RGS7BP: variants seen among roughly 807,000 people sequenced by gnomAD.
The protein encoded by RGS7BP is regulator of G protein signaling 7-binding protein.
A neutral mutation model predicts 31.3 loss-of-function variants in RGS7BP; 9 were observed. The ratio of observed to expected loss-of-function variants is 0.29; its 90% CI spans 0.17 to 0.50. The LOEUF (loss-of-function observed/expected upper bound fraction) is 0.50, where lower values mean the gene tolerates loss of function less well. RGS7BP is among the 20% of genes least tolerant of loss of function. The pLI, the probability that RGS7BP is intolerant of heterozygous loss-of-function variation, is 0.98. For synonymous variants in RGS7BP, 115 were observed against 120.1 expected (o/e 0.96, Z 0.28); for missense variants, 274 against 322.0 (o/e 0.85, Z 1.14).
chr5:64,533,146 G>A (rs975027070), intron 2 of RGS7BP, among the ~76,000 whole-genome samples: 1 of 152,158 alleles, frequency 6.6e-6, no homozygotes, highest in Non-Finnish European at 1.5e-5. Flanking sequence ...GGACCACCTA[G>A]GTAGTCCCTT....
At chr5:64,602,388 C>A (rs911981415) in intron 5 of RGS7BP, among the ~76,000 whole-genome samples, 13 of 152,224 alleles carry the variant, frequency 8.5e-5, no homozygotes, top group South Asian at 6.2e-4. Flanking sequence ...GTAAACCAAT[C>A]TAATTTCTTA....
At position 64,542,967 on chromosome 5, in the gene RGS7BP, A is replaced by C. The variant is rs1050694533; in HGVS notation, c.333-32807A>C. Reference sequence around the variant, plus strand: ...GATATTTTCTTTCTTGTGGAAGTAGACTCATTAATGTCATATTTATGATCT... The same window carrying C: ...GATATTTTCTTTCTTGTGGAAGTAGCCTCATTAATGTCATATTTATGATCT... On this transcript the variant is annotated intron_variant, in intron 2 of 5. Coordinates refer to ENST00000334025, the MANE Select transcript of RGS7BP (RefSeq NM_001029875.3). Among the ~76,000 whole-genome samples, 4 of 152,286 alleles carry C rather than the reference A, an allele frequency of 2.6e-5. 1 individual carries two copies. The South Asian group carries it at 8.3e-4, about 32-fold the overall frequency.
intron 3 of RGS7BP, among the ~76,000 whole-genome samples, chr5:64,584,569 G>A (rs1320103881): frequency 6.6e-6 from 1 of 152,168 alleles, no homozygotes; most frequent in African/African-American, 2.4e-5. Context: ...TCCTTTGAAC[G>A]TATCTTCTAT....
chr5:64,540,332 T>C (rs1453915038), intron 2 of RGS7BP, among the ~76,000 whole-genome samples: 4 of 152,332 alleles, frequency 2.6e-5, no homozygotes, highest in African/African-American at 9.6e-5. Context: ...TATAATCTTT[T>C]TTCATTTAAC....
At chr5:64,585,126 A>G (rs2111927976) in intron 3 of RGS7BP, among the ~76,000 whole-genome samples, 1 of 152,260 alleles carries the variant, frequency 6.6e-6, no homozygotes, top group East Asian at 1.9e-4. Context: ...TGTTGTTCGC[A>G]TTCAGTCAGT....
At chr5:64,608,327 A>G (rs1743416597) in intron 5 of RGS7BP, among the ~76,000 whole-genome samples, 1 of 151,996 alleles carries the variant, frequency 6.6e-6, no homozygotes, top group African/African-American at 2.4e-5. Flanking sequence ...TCTTTAAACC[A>G]GATTAGATTT....
chr5:64,594,799 C>T lies in RGS7BP; in HGVS notation c.553C>T (p.Pro185Ser), dbSNP rs751978442. ...TGCCCTAGAAGACTCCTCATCATCC[C>T]CCGTAGATAGTCAGCAACATTCCTG... ...TPALEDSSSS[P>S]VDSQQHSWQV... The change falls in exon 4 of 6, where the codon CCC becomes TCC. Residue 185 changes from proline to serine, a missense_variant. Pro to Ser is a moderately conservative substitution (Grantham distance 74). Transcript: ENST00000334025. 2 of 1,613,642 alleles carry T rather than the reference C, an allele frequency of 1.2e-6. No homozygotes were observed. The highest frequency in any genetic ancestry group is 1.7e-6 in the Non-Finnish European group (2 of 1,179,800).
intron 2 of RGS7BP, among the ~76,000 whole-genome samples, chr5:64,571,596 T>C (rs543422084): frequency 3.3e-5 from 5 of 152,262 alleles, no homozygotes; most frequent in African/African-American, 1.2e-4. Flanking sequence ...TATGAGTCTT[T>C]TTTACAGTTA....
At chr5:64,516,459 T>G (rs1027348058) in intron 2 of RGS7BP, among the ~76,000 whole-genome samples, 2 of 152,190 alleles carry the variant, frequency 1.3e-5, no homozygotes, top group South Asian at 4.1e-4. Context: ...CTAATCGGTC[T>G]CCTTGAGTTC....
At position 64,515,609 on chromosome 5, in the gene RGS7BP, G is replaced by T. The variant is rs991109701; in HGVS notation, c.332+7732G>T. 2.0e-5 allele frequency among the ~76,000 whole-genome samples: 3 copies of T among 151,896 alleles called. 1 individual carries two copies. The highest frequency in any genetic ancestry group is 4.2e-4 in the South Asian group (2 of 4,814). ...GACAACTACACAAAGCACAGCTCCA[G>T]AGCAGTATCTATACTGCCTGTTTAT... On this transcript the variant is annotated intron_variant, in intron 2 of 5. Transcript: ENST00000334025.
intron 3 of RGS7BP, among the ~76,000 whole-genome samples, chr5:64,589,335 T>A (rs909978104): frequency 2.0e-5 from 3 of 151,156 alleles, no homozygotes; most frequent in African/African-American, 7.3e-5. Flanking sequence ...GGGAAAAGGA[T>A]GCGTCTACAA....
chr5:64,586,638 A>T (rs1742761593), intron 3 of RGS7BP, among the ~76,000 whole-genome samples: 1 of 152,200 alleles, frequency 6.6e-6, no homozygotes, highest in African/African-American at 2.4e-5. Context: ...CTGGTTTCTT[A>T]CCTATTGTCC....
intron 5 of RGS7BP, among the ~76,000 whole-genome samples, chr5:64,604,904 T>C (rs1455804308): frequency 6.6e-6 from 1 of 152,122 alleles, no homozygotes; most frequent in Non-Finnish European, 1.5e-5. Flanking sequence ...GTATGGTGGC[T>C]TATTCCTATA....
chr5:64,528,810 CAAAAAAAAAAAA>C (rs61488452), intron 2 of RGS7BP, among the ~76,000 whole-genome samples: 4 of 65,272 alleles, frequency 6.1e-5, no homozygotes, highest in Non-Finnish European at 1.1e-4. Context: ...GACTCCATCT[CAAAAAAAAAAAA>C]AAAAAAAAAA....
intron 2 of RGS7BP, among the ~76,000 whole-genome samples, chr5:64,538,544 T>TTA (rs1741442463): frequency 3.0e-5 from 3 of 101,404 alleles, no homozygotes; most frequent in South Asian, 3.6e-4. Context: ...TTTTTTCCTT[T>TTA]TCTTTTTTTT....
chr5:64,591,973 G>T (rs1167399865), intron 3 of RGS7BP, among the ~76,000 whole-genome samples: 1 of 152,070 alleles, frequency 6.6e-6, no homozygotes, highest in Admixed American at 6.6e-5. Context: ...TGTGGGGCTG[G>T]GAACAGCAAA....
At chr5:64,578,002 TCTTA>T (rs1268937544) in intron 3 of RGS7BP, among the ~76,000 whole-genome samples, 1 of 152,208 alleles carries the variant, frequency 6.6e-6, no homozygotes, top group Non-Finnish European at 1.5e-5. Context: ...TGCCATCCAC[TCTTA>T]CTTTTTGTCT....
intron 2 of RGS7BP, among the ~76,000 whole-genome samples, chr5:64,556,902 A>G (rs1741942501): frequency 6.6e-6 from 1 of 152,108 alleles, no homozygotes; most frequent in Non-Finnish European, 1.5e-5. Context: ...TGAGATTTGT[A>G]TCTTTAATTA....
intron 2 of RGS7BP, among the ~76,000 whole-genome samples, chr5:64,521,532 C>T (rs900640298): frequency 6.6e-6 from 1 of 152,206 alleles, no homozygotes; most frequent in African/African-American, 2.4e-5. Context: ...GCTGGGATTA[C>T]AGGCATGAGC....
Sources: gnomAD v4.1 joint callset for allele counts (sites outside exome capture counted in the v4.1 genomes callset) on GRCh38, gnomAD v4.1.1 for gene constraint, MANE v1.5 for transcripts, NCBI Gene and HGNC (gene_info 2026-07-23, HGNC 2026-07-21) for gene names.